Variants in CD9 observed in about 807,000 individuals in gnomAD.
CD9 encodes CD9 antigen.
CD9 carries 10 observed loss-of-function variants against 31.4 expected under a neutral mutation model. The ratio of observed to expected loss-of-function variants is 0.32; its 90% CI spans 0.20 to 0.54. The LOEUF is 0.54. Among genes scored for constraint, CD9 ranks in the 20% least tolerant of loss-of-function variants. The pLI is 0.94. For synonymous variants in CD9, 113 were observed against 114.1 expected (o/e 0.99, Z 0.06); for missense variants, 259 against 300.1 (o/e 0.86, Z 1.01).
chr12:6,218,088 G>A (rs372978771), intron 1 of CD9, among the ~76,000 whole-genome samples: 23 of 152,108 alleles, frequency 1.5e-4, no homozygotes, highest in Non-Finnish European at 2.6e-4. Context: ...TTAGCTGGGC[G>A]TGGTGGTGCA....
At chr12:6,235,451 C>T in intron 5 of CD9, 25 bp from the exon 6 acceptor site, 1 of 1,613,650 alleles carries the variant, frequency 6.2e-7, no homozygotes, top group Non-Finnish European at 8.5e-7. Flanking sequence ...TTTCTCTCAT[C>T]CCCATCCCTG....
chr12:6,236,648 GT>G (rs1173727850), intron 7 of CD9: 3 of 421,256 alleles, frequency 7.1e-6, no homozygotes, highest in African/African-American at 6.1e-5. Context: ...CGTGGGAATT[GT>G]TCCATTTCCT....
intron 1 of CD9, among the ~76,000 whole-genome samples, chr12:6,210,813 C>A (rs932938207): frequency 1.1e-4 from 17 of 151,518 alleles, no homozygotes; most frequent in African/African-American, 3.9e-4. Context: ...CACTTACTTG[C>A]CCTGTGATCT....
chr12:6,225,383 G>A (rs1285733371), intron 1 of CD9, 43 bp from the exon 2 acceptor site: 2 of 1,341,574 alleles, frequency 1.5e-6, no homozygotes, highest in African/African-American at 2.9e-5. Flanking sequence ...CTGTGTTGTT[G>A]CTGGCAGCCA....
intron 1 of CD9, among the ~76,000 whole-genome samples, chr12:6,207,134 G>A (rs113657023): frequency 5.9e-5 from 9 of 152,036 alleles, no homozygotes; most frequent in African/African-American, 1.7e-4. Flanking sequence ...CTTCAGCCTC[G>A]GACTCCCAAA....
chr12:6,233,835 T>A (rs539709398), intron 4 of CD9, among the ~76,000 whole-genome samples: 1 of 151,838 alleles, frequency 6.6e-6, no homozygotes, highest in East Asian at 1.9e-4. Flanking sequence ...TTCTGTGGGC[T>A]GGACACCCTT....
chr12:6,208,237 AAAAG>A (rs1946154203), intron 1 of CD9, among the ~76,000 whole-genome samples: 1 of 151,476 alleles, frequency 6.6e-6, no homozygotes, highest in Non-Finnish European at 1.5e-5. Flanking sequence ...AAAAAAAAAA[AAAAG>A]AAAAGAAAAG....
chr12:6,217,324 C>A (rs1946253010), intron 1 of CD9, among the ~76,000 whole-genome samples: 1 of 151,916 alleles, frequency 6.6e-6, no homozygotes, highest in Admixed American at 6.6e-5. Flanking sequence ...GAGTTCAAGA[C>A]CAGCCTGAGC....
chr12:6,220,925 G>A (rs1000559734), intron 1 of CD9, among the ~76,000 whole-genome samples: 3 of 152,134 alleles, frequency 2.0e-5, no homozygotes, highest in Non-Finnish European at 2.9e-5. Flanking sequence ...TTCATGTAAC[G>A]TCCTATTTCT....
intron 1 of CD9, among the ~76,000 whole-genome samples, chr12:6,220,763 G>A (rs1249409741): frequency 3.9e-5 from 6 of 152,184 alleles, no homozygotes; most frequent in Admixed American, 3.9e-4. Context: ...CAGAAAAGTT[G>A]CAGAGATAGT....
chr12:6,238,051 G>T lies in CD9; in HGVS notation c.*223G>T. 4.7e-6 allele frequency: 2 copies of T among 427,864 alleles called. No homozygotes were observed. The highest frequency in any genetic ancestry group is 4.2e-5 in the East Asian group (1 of 23,854). 26.5% of individuals were successfully genotyped at this position (427,864 alleles called of 1,614,324 possible). ...TTGAGCGGGGGGTTTGGTTTGCTTT[G>T]GTTTATATTTTTTCAGTTGTTTGTT... On this transcript the variant is annotated 3_prime_UTR_variant, in exon 8 of 8. Transcript: ENST00000009180.
chr12:6,229,306 G>A (rs1423622178), intron 2 of CD9, among the ~76,000 whole-genome samples: 2 of 152,182 alleles, frequency 1.3e-5, no homozygotes, highest in Admixed American at 6.5e-5. Flanking sequence ...TTCAGGACAC[G>A]CGACACTTGG....
intron 1 of CD9, among the ~76,000 whole-genome samples, chr12:6,224,774 C>T (rs1242776941): frequency 6.6e-6 from 1 of 152,104 alleles, no homozygotes; most frequent in African/African-American, 2.4e-5. Context: ...TTCAGCAGTG[C>T]CAGCGAGGGG....
At chr12:6,225,349 G>A (rs1946350239) in intron 1 of CD9, 77 bp from the exon 2 acceptor site, 2 of 936,374 alleles carry the variant, frequency 2.1e-6, no homozygotes, top group Non-Finnish European at 3.5e-6. Context: ...TCCTTTGCAA[G>A]TCTCACCCTT....
chr12:6,211,345 AG>A (rs1370828133), intron 1 of CD9, among the ~76,000 whole-genome samples: 3 of 152,172 alleles, frequency 2.0e-5, no homozygotes, highest in Non-Finnish European at 4.4e-5. Flanking sequence ...GGGGTAGGGC[AG>A]GTTGATAGGT....
intron 1 of CD9, among the ~76,000 whole-genome samples, chr12:6,208,261 A>G (rs1392146068): frequency 6.6e-6 from 1 of 150,984 alleles, no homozygotes; most frequent in Non-Finnish European, 1.5e-5. Flanking sequence ...GTAACCCTTC[A>G]CAGCTTACCC....
At chr12:6,234,780 G>A (rs1281085172) in intron 4 of CD9, among the ~76,000 whole-genome samples, 3 of 152,246 alleles carry the variant, frequency 2.0e-5, no homozygotes, top group African/African-American at 7.2e-5. Context: ...AATAATCTAT[G>A]AGCTGTAGGG....
At chr12:6,212,473 T>C (rs913058701) in intron 1 of CD9, among the ~76,000 whole-genome samples, 1 of 152,122 alleles carries the variant, frequency 6.6e-6, no homozygotes, top group Non-Finnish European at 1.5e-5. Flanking sequence ...GCTCGAACAT[T>C]TACACACAAC....
At position 6,233,302 on chromosome 12, in the gene CD9, A is replaced by G. The variant is rs937757933; in HGVS notation, c.274-110A>G. On this transcript the variant is annotated intron_variant, in intron 3 of 7. Coordinates refer to ENST00000009180, the MANE Select transcript of CD9 (RefSeq NM_001769.4). ...TGCTAGGCTATTCATTTGTGTCACC[A>G]GATGCCTGTTCCCAGGGAGTTGTCC... 3 of 779,046 alleles carry G rather than the reference A, an allele frequency of 3.9e-6. No homozygotes were observed. The African/African-American group carries it at 5.1e-5, about 13-fold the overall frequency. 48.3% of individuals were successfully genotyped at this position (779,046 alleles called of 1,614,324 possible).
Sources: allele counts gnomAD v4.1 joint callset (sites outside exome capture counted in the v4.1 genomes callset), GRCh38; gene constraint gnomAD v4.1.1; transcripts MANE v1.5; gene names NCBI Gene and HGNC (gene_info 2026-07-23, HGNC 2026-07-21).